The following MYO15A variants were observed in gnomAD, a reference collection of about 807,000 sequenced individuals.
MYO15A encodes myosin XVA.
MYO15A carries 308 observed loss-of-function variants against 394.6 expected under a neutral mutation model. The observed-to-expected ratio is 0.78, with a 90% CI of 0.71 to 0.86. The LOEUF (loss-of-function observed/expected upper bound fraction) is 0.86, where lower values mean the gene tolerates loss of function less well. MYO15A is among the 40% of genes least tolerant of loss of function. The pLI is 0.00. For missense variants in MYO15A, 4,606 were observed against 4,799.1 expected (o/e 0.96, Z 1.19); for synonymous variants, 1,957 against 2,003.8 (o/e 0.98, Z 0.62).
At position 18,145,958 on chromosome 17, in the gene MYO15A, G is replaced by T. The variant is rs1460643117; in HGVS notation, c.6360G>T (p.Val2120=). 1.2e-6 allele frequency: 2 copies of T among 1,613,642 alleles called. No individual in the cohort carries two copies. The highest frequency in any genetic ancestry group is 1.3e-5 in the African/African-American group (1 of 74,914). Residue 2120 remains valine, a synonymous_variant, in exon 30 of 66, where the codon GTG becomes GTT. Transcript: ENST00000647165. ...GNYIVQKGLA[V]PELRDEILAQ... ...ACATCGTGCAGAAGGGGCTGGCGGT[G>T]CCTGAGCTGCGGGATGAGATCCTGG... is the stretch of plus-strand genomic sequence containing the variant.
At chr17:18,125,511 G>A (rs547618153) in intron 4 of MYO15A, 36 of 428,374 alleles carry the variant, frequency 8.4e-5, no homozygotes, top group African/African-American at 6.3e-4. Flanking sequence ...TGGTTAACAC[G>A]GTGAAACCCC....
intron 13 of MYO15A, 39 bp from the exon 14 acceptor site, chr17:18,136,378 G>A (rs1263744155): frequency 6.2e-7 from 1 of 1,612,266 alleles, no homozygotes; most frequent in African/African-American, 1.3e-5. Context: ...AGGCAGAGTG[G>A]CCAGCCTGAT....
At chr17:18,168,423 G>C (rs2046887392) in intron 62 of MYO15A, among the ~76,000 whole-genome samples, 1 of 152,002 alleles carries the variant, frequency 6.6e-6, no homozygotes, top group Non-Finnish European at 1.5e-5. Flanking sequence ...AATTAGCCAG[G>C]CATGGTGGCA....
chr17:18,130,079 C>T (rs1291090014), intron 7 of MYO15A, among the ~76,000 whole-genome samples: 1 of 152,176 alleles, frequency 6.6e-6, no homozygotes, highest in Non-Finnish European at 1.5e-5. Context: ...CAGTGTTTCA[C>T]CATGTTGGTC....
chr17:18,138,357 T>G, intron 17 of MYO15A, 111 bp downstream of exon 17: 1 of 1,383,880 alleles, frequency 7.2e-7, no homozygotes, highest in Non-Finnish European at 9.9e-7. Flanking sequence ...AGTCAGGCAG[T>G]GGGGGGTTGG....
At position 18,140,672 on chromosome 17, in the gene MYO15A, T is replaced by TG; in HGVS notation, c.5360+13dup. 1.2e-6 allele frequency: 2 copies of TG among 1,613,662 alleles called. No homozygotes were observed. The highest frequency in any genetic ancestry group is 1.7e-6 in the Non-Finnish European group (2 of 1,179,946). Reference sequence around the variant, plus strand: ...TGGTGGAAAAGATGGAGAGGTGGGGTGGGGGGCAGGTGGGCGGAGCACCCA... The same window carrying TG: ...TGGTGGAAAAGATGGAGAGGTGGGGTGGGGGGGCAGGTGGGCGGAGCACCCA... On this transcript the variant is annotated splice_region_variant and intron_variant, in intron 20 of 65. Coordinates refer to ENST00000647165, the MANE Select transcript of MYO15A (RefSeq NM_016239.4).
rs767880540 is a variant in MYO15A, at chr17:18,132,792, C to A, written c.4320+226C>A. ...CCTACCTGACTTCATTTCTCTGGAA[C>A]CTGGAACAGAACCAACCAGTCTAGA... On this transcript the variant is annotated intron_variant, in intron 11 of 65. Transcript: ENST00000647165. This position sits in a 1 kb window ranked among gnomAD's most constrained non-coding sequence, Gnocchi z 4.6. 6.6e-6 allele frequency among the ~76,000 whole-genome samples: 1 copy of A among 152,212 alleles called. No individual in the cohort carries two copies. The highest frequency in any genetic ancestry group is 1.5e-5 in the Non-Finnish European group (1 of 68,032).
rs758773714 is a variant in MYO15A, at chr17:18,119,354, G to A, written c.554G>A (p.Gly185Asp). 3.7e-6 allele frequency: 6 copies of A among 1,608,672 alleles called. No homozygotes were observed. Among genetic ancestry groups the A allele is most frequent in the East Asian group, 2.2e-5 (1 of 44,814 alleles). The change falls in exon 2 of 66, where the codon GGC becomes GAC. Residue 185 changes from glycine to aspartate, a missense_variant. Transcript: ENST00000647165. The part of the protein sequence containing the change: ...PSGAEILRPG[G>D]RLRRFPRSRS... ...GGTGCCGAGATCCTGCGGCCTGGGG[G>A]CCGGCTCCGGAGGTTCCCCCGCAGC...
chr17:18,156,417 C>A, intron 48 of MYO15A, 81 bp downstream of exon 48: 1 of 1,483,920 alleles, frequency 6.7e-7, no homozygotes, highest in Non-Finnish European at 9.3e-7. Context: ...GGAAATATGA[C>A]TGTGTCCATA....
rs200786818 is a variant in MYO15A, at chr17:18,152,145, G to A, written c.7927G>A (p.Val2643Met). 7 of 1,551,762 alleles carry A rather than the reference G, an allele frequency of 4.5e-6. No individual in the cohort carries two copies. In the East Asian group the frequency reaches 1.7e-4, roughly 38 times the overall value. ...AGAGGCCGTGGCCCTGGTGAAGCCG[G>A]TGACCAGTGCACCAAGGCCATCCAT... ...SREAVALVKPVTSAPRPSMAP... is the reference protein window; with the variant it reads ...SREAVALVKPMTSAPRPSMAP... Residue 2643 changes from valine to methionine, a missense_variant, in exon 42 of 66, where the codon GTG (valine) becomes ATG (methionine). Around this residue, in one of 2 missense-constraint regions of MYO15A, gnomAD observed 2,776 missense variants for 3,109.3 expected, o/e 0.89. Transcript: ENST00000647165.
At chr17:18,134,195 G>C (rs1189195216) in intron 12 of MYO15A, among the ~76,000 whole-genome samples, 3 of 151,426 alleles carry the variant, frequency 2.0e-5, no homozygotes, top group African/African-American at 7.3e-5. Flanking sequence ...TCATCATGTT[G>C]GCCAGGATGG....
rs1215912647 is a variant in MYO15A, at chr17:18,150,845, A to G, written c.7405A>G (p.Met2469Val). ...HKQAVLLARE[M>V]TLQATALQQQ... The stretch of plus-strand genomic sequence containing the variant: ...TGCCACCTCTCCCCAGGCCCGGGAG[A>G]TGACCCTGCAGGCCACGGCACTCCA... Residue 2469 changes from methionine (M) to valine (V), a missense_variant, in exon 38 of 66, where the codon ATG (methionine) becomes GTG (valine). Transcript: ENST00000647165. This position sits in a 1 kb window ranked among gnomAD's most constrained non-coding sequence, Gnocchi z 4.4. The G allele has an allele frequency of 2.5e-6, 4 of 1,595,110 alleles. No homozygotes were observed. The South Asian group carries it at 4.5e-5, about 18-fold the overall frequency.
In MYO15A at chr17:18,121,080, C is replaced by G; in HGVS notation, c.2280C>G (p.Ala760=). ...GGGCGGCTTTCGGCTTCCCCGGGGC[C>G]TCTCCACGGGCGTCGCGGAGGCGAG... ...RRGAAFGFPG[A]SPRASRRRAW... Residue 760 remains alanine (A), a synonymous_variant, in exon 2 of 66, where the codon GCC becomes GCG. Transcript: ENST00000647165. The surrounding 1 kb of genome is among the most constrained non-coding windows in gnomAD (Gnocchi z 5.3). 6.6e-7 allele frequency: 1 copy of G among 1,506,102 alleles called. No homozygotes were observed. The highest frequency in any genetic ancestry group is 8.8e-7 in the Non-Finnish European group (1 of 1,132,158). The allele number at this position is 1,506,102 out of a possible 1,614,324, so 93.3% of individuals were successfully genotyped here.
intron 5 of MYO15A, 94 bp downstream of exon 5, chr17:18,126,550 C>G: frequency 7.9e-7 from 1 of 1,258,294 alleles, no homozygotes; most frequent in Admixed American, 2.0e-5. Context: ...AGCCATGAGT[C>G]AGAGGTAATG....
intron 22 of MYO15A, 38 bp downstream of exon 22, chr17:18,141,181 C>T: frequency 6.2e-7 from 1 of 1,611,652 alleles, no homozygotes; most frequent in South Asian, 1.1e-5. Flanking sequence ...TCTACAAATC[C>T]CTGCCCAACT....
Position 18,156,441 on chromosome 17 carries a change from C to G in MYO15A, c.8601+105C>G, listed in dbSNP as rs1597808862. The G allele has an allele frequency of 6.0e-6, 8 of 1,330,830 alleles. No homozygotes were observed. In the East Asian group the frequency reaches 2.0e-4, roughly 33 times the overall value. 82.4% of individuals were successfully genotyped at this position (1,330,830 alleles called of 1,614,324 possible). ...ACTGTGTCCATAGATTTCTGTCTAC[C>G]TTAAGGCCTTTGCACTGGCTGTGCC... On this transcript the variant is annotated intron_variant, in intron 48 of 65. Transcript: ENST00000647165.
At chr17:18,109,171 G>A (rs2045691581) in intron 1 of MYO15A, 2 of 152,394 alleles carry the variant, frequency 1.3e-5, no homozygotes, top group Admixed American at 1.3e-4. Context: ...GGCCCAGGGT[G>A]AGGTAGGGAA....
chr17:18,126,403 T>C lies in MYO15A; in HGVS notation c.3813T>C (p.Tyr1271=), dbSNP rs774788045. The C allele has an allele frequency of 1.9e-6, 3 of 1,613,798 alleles. No homozygotes were observed. In the South Asian group the frequency reaches 3.3e-5, roughly 18 times the overall value. The change falls in exon 5 of 66, where the codon TAT becomes TAC. Residue 1271 remains tyrosine (Y), a synonymous_variant. Transcript: ENST00000647165. ...SVNPYQMFGI[Y]GPEQVQQYNG... ...ACCCATACCAAATGTTTGGAATCTA[T>C]GGGCCGGAGCAGGTGCAGCAGTACA...
chr17:18,168,226 G>GGGTCTT (rs2046884254), intron 62 of MYO15A, among the ~76,000 whole-genome samples: 1 of 151,950 alleles, frequency 6.6e-6, no homozygotes, highest in Admixed American at 6.6e-5. Context: ...TATAGAGACG[G>GGGTCTT]GGTCTTGCTA....
Sources: gnomAD v4.1 joint callset for allele counts (sites outside exome capture counted in the v4.1 genomes callset) on GRCh38, gnomAD v4.1.1 for gene constraint, gnomAD v4.1.1 regional missense constraint, Gnocchi (gnomAD v3.1) non-coding constraint, MANE v1.5 for transcripts, NCBI Gene and HGNC (gene_info 2026-07-23, HGNC 2026-07-21) for gene names.